Variants in CNTN4 observed in about 807,000 individuals in gnomAD.
CNTN4 encodes the protein contactin 4.
In CNTN4, 77 loss-of-function variants were observed where a neutral mutation model predicts 122.5. The observed-to-expected ratio is 0.63, with a 90% CI of 0.52 to 0.76. CNTN4 has a LOEUF of 0.76. Ranked by LOEUF, CNTN4 falls within the 30% of genes least tolerant of loss-of-function variation. The pLI, the probability that CNTN4 is intolerant of heterozygous loss-of-function variation, is 0.00. For missense variants in CNTN4, 1,256 were observed against 1,259.1 expected (o/e 1.00, Z 0.04); for synonymous variants, 512 against 447.0 (o/e 1.15, Z -1.83).
chr3:2,382,312 G>A (rs926175820), intron 3 of CNTN4, among the ~76,000 whole-genome samples: 2 of 151,780 alleles, frequency 1.3e-5, no homozygotes, highest in African/African-American at 4.8e-5. Context: ...TGGGATTACA[G>A]GCGCGCTGTA....
At chr3:2,252,778 A>G (rs1280948791) in intron 2 of CNTN4, among the ~76,000 whole-genome samples, 2 of 152,104 alleles carry the variant, frequency 1.3e-5, no homozygotes, top group African/African-American at 4.8e-5. Flanking sequence ...CTTCCAAAAC[A>G]CTGTAACATT....
chr3:2,166,503 G>T (rs1419243524), intron 2 of CNTN4, among the ~76,000 whole-genome samples: 2 of 151,980 alleles, frequency 1.3e-5, no homozygotes, highest in African/African-American at 4.8e-5. Context: ...TTGGTAACCT[G>T]AGAGTAATGA....
rs73806314 is a variant in CNTN4 at position 2,137,876 on chromosome 3, C to G, written c.-145+37237C>G. 1.8e-3 allele frequency among the ~76,000 whole-genome samples: 270 copies of G among 152,232 alleles called. 1 individual carries two copies. Among genetic ancestry groups the G allele is most frequent in the African/African-American group, 6.2e-3 (257 of 41,524 alleles). On this transcript the variant is annotated intron_variant, in intron 2 of 24. Coordinates refer to ENST00000418658, the MANE Select transcript of CNTN4 (RefSeq NM_175607.3). The stretch of plus-strand genomic sequence containing the variant: ...TGAGTGTTGCAACTGCCTGTGTTGC[C>G]ACTATGTAAACACTGCTCCTTAATA...
intron 3 of CNTN4, among the ~76,000 whole-genome samples, chr3:2,341,111 T>C (rs2044195483): frequency 6.6e-6 from 1 of 152,188 alleles, no homozygotes; most frequent in African/African-American, 2.4e-5. Flanking sequence ...TGCTTTTACT[T>C]ACTCTGTTCC....
intron 14 of CNTN4, among the ~76,000 whole-genome samples, chr3:2,992,749 T>G (rs1293489746): frequency 2.0e-5 from 3 of 152,188 alleles, no homozygotes; most frequent in South Asian, 4.1e-4. Context: ...GTTAACATAG[T>G]CATCGTGCTG....
chr3:2,362,526 C>A, intron 3 of CNTN4: 1 of 594,334 alleles, frequency 1.7e-6, no homozygotes, highest in South Asian at 1.4e-5. Context: ...ACTTTCTGGT[C>A]ATTCCTAAGA....
intron 3 of CNTN4, among the ~76,000 whole-genome samples, chr3:2,339,704 T>C (rs891452407): frequency 2.0e-5 from 3 of 152,316 alleles, no homozygotes; most frequent in South Asian, 2.1e-4. Flanking sequence ...GTCTACAATG[T>C]ATGCAAATTT....
chr3:2,824,470 A>G (rs1488822695), intron 7 of CNTN4, among the ~76,000 whole-genome samples: 2 of 151,816 alleles, frequency 1.3e-5, no homozygotes, highest in Non-Finnish European at 2.9e-5. Flanking sequence ...AAAAACAAAA[A>G]CAAAAACAAA....
intron 7 of CNTN4, among the ~76,000 whole-genome samples, chr3:2,839,740 T>G (rs978834670): frequency 6.6e-6 from 1 of 152,096 alleles, no homozygotes; most frequent in African/African-American, 2.4e-5. Context: ...GGAGTGCTCT[T>G]AGGGTCAACT....
At chr3:2,340,710 T>TATATATATATATATAGAG in intron 3 of CNTN4, among the ~76,000 whole-genome samples, 14 of 18,302 alleles carry the variant, frequency 7.6e-4, no homozygotes, top group African/African-American at 8.0e-4. Context: ...TATATATATA[T>TATATATATATATATAGAG]AGAGAGAGAG....
At chr3:2,574,167 G>C (rs1030625322) in intron 4 of CNTN4, among the ~76,000 whole-genome samples, 1 of 152,194 alleles carries the variant, frequency 6.6e-6, no homozygotes, top group Non-Finnish European at 1.5e-5. Flanking sequence ...GGTGAGCCGA[G>C]ATCACGCCAC....
At chr3:2,595,247 A>C (rs906666641) in intron 4 of CNTN4, among the ~76,000 whole-genome samples, 1 of 152,206 alleles carries the variant, frequency 6.6e-6, no homozygotes. Flanking sequence ...AATAAATTTC[A>C]TGGTAAAATA....
chr3:2,912,461 G>A (rs2094311093), intron 12 of CNTN4, among the ~76,000 whole-genome samples: 1 of 152,066 alleles, frequency 6.6e-6, no homozygotes. Context: ...TGAAATGAAA[G>A]GATGATAAAC....
intron 3 of CNTN4, among the ~76,000 whole-genome samples, chr3:2,369,366 G>A (rs992606578): frequency 1.3e-5 from 2 of 152,132 alleles, no homozygotes; most frequent in African/African-American, 2.4e-5. Flanking sequence ...TATTACTATC[G>A]TTGGTCTTGT....
chr3:2,185,085 A>G (rs2037185934), intron 2 of CNTN4, among the ~76,000 whole-genome samples: 1 of 152,150 alleles, frequency 6.6e-6, no homozygotes, highest in East Asian at 1.9e-4. Context: ...CCACTCAAAG[A>G]CAACTTTGGT....
chr3:2,520,211 A>C (rs2077158754), intron 3 of CNTN4, among the ~76,000 whole-genome samples: 1 of 148,764 alleles, frequency 6.7e-6, no homozygotes, highest in African/African-American at 2.5e-5. Flanking sequence ...TAAAGTTGCC[A>C]GTCATGATTT....
rs149396859 is a variant in CNTN4, at chr3:2,884,068, C to A, written c.755+821C>A. ...CATTACTAACTCTCTTTTTCCTGCG[C>A]CCAAATGTTGACTAAGGCAACAACA... On this transcript the variant is annotated intron_variant, in intron 9 of 24. Transcript: ENST00000418658. Among the ~76,000 whole-genome samples the A allele has an allele frequency of 2.7e-3, 410 of 152,200 alleles. 2 individuals carry two copies. Among genetic ancestry groups the A allele is most frequent in the African/African-American group, 9.2e-3 (381 of 41,544 alleles).
At chr3:2,708,366 C>T (rs1368208789) in intron 4 of CNTN4, among the ~76,000 whole-genome samples, 1 of 152,018 alleles carries the variant, frequency 6.6e-6, no homozygotes, top group Non-Finnish European at 1.5e-5. Flanking sequence ...TAAAAGGTAA[C>T]CCATATGGAC....
rs887163064 is a variant in CNTN4 at position 2,932,635 on chromosome 3, G to A, written c.1358+6856G>A. 1.8e-4 allele frequency among the ~76,000 whole-genome samples: 27 copies of A among 152,080 alleles called. No homozygotes were observed. In the East Asian group the frequency reaches 3.7e-3, roughly 21 times the overall value. ...GTCTTAATCGGTAGAGGTTTATTTC[G>A]CCAGGGTTGAGGACATGGCTGGGAA... On this transcript the variant is annotated intron_variant, in intron 13 of 24. Transcript: ENST00000418658.
Sources: allele counts gnomAD v4.1 joint callset (sites outside exome capture counted in the v4.1 genomes callset), GRCh38; gene constraint gnomAD v4.1.1; transcripts MANE v1.5; gene names NCBI Gene and HGNC (gene_info 2026-07-23, HGNC 2026-07-21).